Variants in RANBP17 observed in about 807,000 individuals in gnomAD.
RANBP17 encodes the protein RAN binding protein 17.
A neutral mutation model predicts 141.2 loss-of-function variants in RANBP17; 158 were observed. The observed-to-expected ratio is 1.12, with a 90% CI of 0.98 to 1.28. The LOEUF (loss-of-function observed/expected upper bound fraction) is 1.28. Ranked by LOEUF, RANBP17 falls within the 50% of genes most tolerant of loss-of-function variation. RANBP17 has a pLI of 0.00. For missense variants in RANBP17, 1,438 were observed against 1,290.7 expected (o/e 1.11, Z -1.75); for synonymous variants, 430 against 450.0 (o/e 0.96, Z 0.56).
intron 14 of RANBP17, among the ~76,000 whole-genome samples, chr5:171,004,167 T>C (rs1018063538): frequency 2.0e-5 from 3 of 151,778 alleles, no homozygotes; most frequent in African/African-American, 7.3e-5. Context: ...GGTGATTAGG[T>C]TTCAATGGGA....
chr5:171,187,718 T>C (rs1163954430), intron 18 of RANBP17, among the ~76,000 whole-genome samples: 1 of 152,160 alleles, frequency 6.6e-6, no homozygotes, highest in East Asian at 1.9e-4. Flanking sequence ...TAGTGAGAAG[T>C]ATTTACAGAT....
intron 24 of RANBP17, chr5:171,252,447 TACTC>T (rs1765633638): frequency 1.3e-6 from 2 of 1,499,576 alleles, no homozygotes; most frequent in African/African-American, 2.8e-5. Flanking sequence ...ATACATCAAT[TACTC>T]ACTGCTTAAG....
intron 19 of RANBP17, among the ~76,000 whole-genome samples, chr5:171,199,984 G>A (rs899716410): frequency 6.6e-6 from 1 of 152,160 alleles, no homozygotes; most frequent in Non-Finnish European, 1.5e-5. Flanking sequence ...TGGACAGTCA[G>A]TTCATGATAA....
At chr5:171,055,000 G>T (rs981025133) in intron 14 of RANBP17, among the ~76,000 whole-genome samples, 2 of 152,156 alleles carry the variant, frequency 1.3e-5, no homozygotes, top group African/African-American at 4.8e-5. Flanking sequence ...GTATCTGGAA[G>T]ACTAATAAGT....
chr5:171,017,997 T>G (rs575494360), intron 14 of RANBP17, among the ~76,000 whole-genome samples: 3 of 152,288 alleles, frequency 2.0e-5, no homozygotes, highest in South Asian at 2.1e-4. Context: ...CCAGCACCAT[T>G]TATTGAATAG....
At chr5:170,961,167 G>A (rs1047430668) in intron 13 of RANBP17, among the ~76,000 whole-genome samples, 3 of 152,168 alleles carry the variant, frequency 2.0e-5, no homozygotes, top group African/African-American at 7.2e-5. Flanking sequence ...CTTTATTCCA[G>A]CTGCTTCTTT....
chr5:171,221,827 G>C lies in RANBP17; in HGVS notation c.2409G>C (p.Met803Ile). 2 of 1,598,918 alleles carry C rather than the reference G, an allele frequency of 1.3e-6. No individual in the cohort carries two copies. The highest frequency in any genetic ancestry group is 1.7e-6 in the Non-Finnish European group (2 of 1,166,822). ...GILLFREASK[M>I]VCTYGNQILS... Reference sequence around the variant, plus strand: ...TTCTCTTCAGAGAAGCTAGTAAAATGGTTTGCACTTATGGTGAGTGTCCTT... The same window carrying C: ...TTCTCTTCAGAGAAGCTAGTAAAATCGTTTGCACTTATGGTGAGTGTCCTT... The change falls in exon 22 of 28, where the codon ATG becomes ATC. Residue 803 changes from methionine (M) to isoleucine (I), a missense_variant. Transcript: ENST00000523189.
At chr5:171,227,009 C>T (rs1763920076) in intron 22 of RANBP17, among the ~76,000 whole-genome samples, 1 of 152,168 alleles carries the variant, frequency 6.6e-6, no homozygotes, top group Non-Finnish European at 1.5e-5. Flanking sequence ...TTTGGCCATT[C>T]CCCATCTCTT....
At chr5:171,294,779 A>G (rs1768714435) in intron 26 of RANBP17, among the ~76,000 whole-genome samples, 1 of 152,240 alleles carries the variant, frequency 6.6e-6, no homozygotes, top group Admixed American at 6.5e-5. Flanking sequence ...TCCAAGCTCT[A>G]TAAAAGAGAG....
intron 18 of RANBP17, among the ~76,000 whole-genome samples, chr5:171,191,664 G>A (rs1761651103): frequency 6.6e-6 from 1 of 151,336 alleles, no homozygotes. Flanking sequence ...TCCAACCTGG[G>A]CAACAGAGCG....
At chr5:171,052,711 A>G (rs1458616900) in intron 14 of RANBP17, among the ~76,000 whole-genome samples, 2 of 152,200 alleles carry the variant, frequency 1.3e-5, no homozygotes, top group Admixed American at 6.5e-5. Context: ...ACTCTTTCCA[A>G]TTGCAAATGA....
At chr5:171,201,060 C>A (rs1323210248) in intron 19 of RANBP17, among the ~76,000 whole-genome samples, 1 of 152,198 alleles carries the variant, frequency 6.6e-6, no homozygotes, top group Non-Finnish European at 1.5e-5. Context: ...AGTTGAAAAA[C>A]ATCATCTTTA....
intron 1 of RANBP17, among the ~76,000 whole-genome samples, chr5:170,869,087 C>A (rs1163842116): frequency 6.6e-6 from 1 of 151,800 alleles, no homozygotes. Flanking sequence ...TCTTGGATGG[C>A]CTTTTTCATT....
At chr5:171,284,514 T>A (rs931169444) in intron 25 of RANBP17, 1 of 151,854 alleles carries the variant, frequency 6.6e-6, no homozygotes, top group African/African-American at 2.4e-5. Flanking sequence ...TTTGTAAAGG[T>A]GGAGTTTCAC....
At chr5:170,981,641 C>A (rs1252499104) in intron 14 of RANBP17, among the ~76,000 whole-genome samples, 2 of 152,016 alleles carry the variant, frequency 1.3e-5, no homozygotes, top group Non-Finnish European at 2.9e-5. Flanking sequence ...TGAAGCCTCC[C>A]CAGACATGTG....
At chr5:171,226,032 C>G (rs1027198287) in intron 22 of RANBP17, among the ~76,000 whole-genome samples, 1 of 152,140 alleles carries the variant, frequency 6.6e-6, no homozygotes, top group Non-Finnish European at 1.5e-5. Flanking sequence ...TTTCTACTAG[C>G]CCAAGCCTAT....
At position 171,221,413 on chromosome 5, in the gene RANBP17, A is replaced by C. The variant is rs114095811; in HGVS notation, c.2340-345A>C. ...ATATCATTATCCAAGTATTTGTCTA[A>C]ACTTAGACACCTGGGGTGTTTTATT... On this transcript the variant is annotated intron_variant, in intron 21 of 27. Coordinates refer to ENST00000523189, the MANE Select transcript of RANBP17 (RefSeq NM_022897.5). Among the ~76,000 whole-genome samples, 1,081 of 152,294 alleles carry C rather than the reference A, an allele frequency of 7.1e-3. 7 individuals carry two copies. Among genetic ancestry groups the C allele is most frequent in the Non-Finnish European group, 0.012 (833 of 68,030 alleles).
At chr5:171,263,272 C>A (rs1766451320) in intron 24 of RANBP17, among the ~76,000 whole-genome samples, 1 of 152,152 alleles carries the variant, frequency 6.6e-6, no homozygotes, top group Admixed American at 6.5e-5. Flanking sequence ...TCTACCTGCT[C>A]ACCATTTTAA....
intron 14 of RANBP17, among the ~76,000 whole-genome samples, chr5:171,088,348 G>A (rs1436553452): frequency 2.0e-5 from 3 of 152,148 alleles, no homozygotes; most frequent in African/African-American, 7.2e-5. Context: ...GGTTTGGTGG[G>A]CTTCCCTTTG....
Sources: gnomAD v4.1 joint callset for allele counts (sites outside exome capture counted in the v4.1 genomes callset) on GRCh38, gnomAD v4.1.1 for gene constraint, MANE v1.5 for transcripts, NCBI Gene and HGNC (gene_info 2026-07-23, HGNC 2026-07-21) for gene names.